The following ARSG variants were observed in gnomAD, a reference collection of about 807,000 sequenced individuals.
The protein encoded by ARSG is arylsulfatase G.
In ARSG, 37 loss-of-function variants were observed where a neutral mutation model predicts 50.5. The ratio of observed to expected loss-of-function variants is 0.73; its 90% confidence interval spans 0.56 to 0.96. The LOEUF (loss-of-function observed/expected upper bound fraction) is 0.96, where lower values mean the gene tolerates loss of function less well. Among genes scored for constraint, ARSG ranks in the 50% least tolerant of loss-of-function variants. The pLI, the probability that ARSG is intolerant of heterozygous loss-of-function variation, is 0.00. For missense variants in ARSG, 629 were observed against 675.3 expected (o/e 0.93, Z 0.76); for synonymous variants, 225 against 254.6 (o/e 0.88, Z 1.11).
At position 68,368,760 on chromosome 17, in the gene ARSG, C is replaced by A; in HGVS notation, c.901+16C>A. 6.2e-7 allele frequency: 1 copy of A among 1,609,676 alleles called. No homozygotes were observed. On this transcript the variant is annotated intron_variant, in intron 7 of 11. Transcript: ENST00000621439. ...TGGTTTACAGGTAAAGTAGTAAAAG[C>A]CAGCCAGCCTAACTGCCATTTAATA...
chr17:68,365,745 T>C (rs953218437), intron 6 of ARSG, among the ~76,000 whole-genome samples: 1 of 152,162 alleles, frequency 6.6e-6, no homozygotes, highest in African/African-American at 2.4e-5. Context: ...CATGGCTGAT[T>C]TCCAGCTATG....
intron 11 of ARSG, among the ~76,000 whole-genome samples, chr17:68,417,732 A>ATTT (rs1228418754): frequency 9.5e-5 from 6 of 63,188 alleles, no homozygotes; most frequent in Admixed American, 2.3e-4. Context: ...AGAGTTGCTG[A>ATTT]ATTTTTTTTT....
intron 4 of ARSG, among the ~76,000 whole-genome samples, chr17:68,348,453 C>T (rs897939881): frequency 6.6e-6 from 1 of 152,154 alleles, no homozygotes; most frequent in Non-Finnish European, 1.5e-5. Flanking sequence ...CCTATTTGCT[C>T]TTTGGACCAG....
At chr17:68,416,462 CA>C (rs1452456336) in intron 11 of ARSG, among the ~76,000 whole-genome samples, 1 of 152,094 alleles carries the variant, frequency 6.6e-6, no homozygotes, top group Non-Finnish European at 1.5e-5. Flanking sequence ...GATGTTTTTG[CA>C]ATGAATTTCC....
At chr17:68,421,579 C>T (rs118172374), downstream of ARSG, 10,003 of 662,750 alleles carry the variant, frequency 0.015, 82 homozygotes, top group Non-Finnish European at 0.02. Flanking sequence ...CAATGTCTCC[C>T]GCGCCCATTG....
At chr17:68,422,472 C>T (rs1300073528), downstream of ARSG, 1 of 151,666 alleles carries the variant, frequency 6.6e-6, no homozygotes, top group African/African-American at 2.4e-5. Flanking sequence ...TGGCTCACAC[C>T]TGTAATCCCA....
intron 9 of ARSG, among the ~76,000 whole-genome samples, chr17:68,386,462 G>T (rs2080729023): frequency 6.6e-6 from 1 of 152,162 alleles, no homozygotes; most frequent in Non-Finnish European, 1.5e-5. Context: ...AGGGGAAAAG[G>T]GTAAACAGCT....
At chr17:68,275,362 A>G (rs1405627002) in intron 1 of ARSG, among the ~76,000 whole-genome samples, 2 of 152,174 alleles carry the variant, frequency 1.3e-5, no homozygotes, top group Admixed American at 6.5e-5. Flanking sequence ...TTTTTGGGTT[A>G]GTCTATATGT....
chr17:68,343,826 T>C, intron 3 of ARSG, 35 bp downstream of exon 3: 1 of 1,574,210 alleles, frequency 6.4e-7, no homozygotes, highest in Non-Finnish European at 8.7e-7. Flanking sequence ...TTGCATTTAC[T>C]GCAGTGGCAG....
In ARSG at chr17:68,271,516, A is replaced by C. The variant is rs1217256181; in HGVS notation, c.-552+12090A>C. The C allele has an allele frequency of 3.7e-6, 6 of 1,614,122 alleles. 1 individual carries two copies. The highest frequency in any genetic ancestry group is 3.3e-5 in the Admixed American group (2 of 60,016). On this transcript the variant is annotated intron_variant, in intron 1 of 11. Coordinates refer to the ARSG transcript ENST00000448504. The surrounding 1 kb of genome is among the most constrained non-coding windows in gnomAD (Gnocchi z 5.3). The stretch of plus-strand genomic sequence containing the variant: ...CTGCGCTTCTTTCCGATTTTCCTGG[A>C]TGACTATTTTCGGTGACGCTGGTCC...
At chr17:68,436,607 C>T in the ARSG span, 1 of 759,428 alleles carries the variant, frequency 1.3e-6, no homozygotes, top group Admixed American at 2.7e-5. Flanking sequence ...GCTTTGCAGA[C>T]AACTGCTTTC....
chr17:68,414,798 T>C (rs896480510), intron 11 of ARSG, among the ~76,000 whole-genome samples: 1 of 152,192 alleles, frequency 6.6e-6, no homozygotes. Flanking sequence ...CCATCTCTTC[T>C]AGGTTTTTTA....
At chr17:68,339,590 G>A (rs1203356373) in intron 2 of ARSG, among the ~76,000 whole-genome samples, 1 of 152,120 alleles carries the variant, frequency 6.6e-6, no homozygotes, top group Non-Finnish European at 1.5e-5. Context: ...CTGACTTTTT[G>A]AAGAGACTAG....
chr17:68,296,441 C>T (rs879967302), intron 1 of ARSG, among the ~76,000 whole-genome samples: 7 of 152,294 alleles, frequency 4.6e-5, no homozygotes, highest in Middle Eastern at 3.4e-3. Context: ...TCCATTTTAA[C>T]CCTTTAGGAG....
At chr17:68,323,036 GCT>G (rs58760851) in intron 2 of ARSG, among the ~76,000 whole-genome samples, 135 of 146,632 alleles carry the variant, frequency 9.2e-4, no homozygotes, top group Non-Finnish European at 8.9e-4. Context: ...ATAAGAGAGG[GCT>G]CTCTCTCTCT....
In ARSG at chr17:68,278,236, C is replaced by T; in HGVS notation, c.-552+18810C>T. 6.8e-6 allele frequency: 11 copies of T among 1,614,198 alleles called. No homozygotes were observed. The highest frequency in any genetic ancestry group is 8.5e-6 in the Non-Finnish European group (10 of 1,180,030). On this transcript the variant is annotated intron_variant, in intron 1 of 11. Transcript: ENST00000448504. ...AAGACTTCAACGAAGAAAAATGAAA[C>T]AGCTACCGCCCAGCCCCATCCTCCA...
chr17:68,346,746 C>T, intron 3 of ARSG: 3 of 1,283,738 alleles, frequency 2.3e-6, no homozygotes, highest in South Asian at 1.2e-5. Context: ...GGTGCACCTG[C>T]ACCCTGGGCC....
chr17:68,297,587 A>G (rs572718037), intron 1 of ARSG, among the ~76,000 whole-genome samples: 1 of 152,196 alleles, frequency 6.6e-6, no homozygotes, highest in Non-Finnish European at 1.5e-5. Context: ...GGATTTTGCC[A>G]TCTATACTCA....
chr17:68,408,638 G>C (rs904404567), intron 11 of ARSG, among the ~76,000 whole-genome samples: 26 of 152,128 alleles, frequency 1.7e-4, no homozygotes, highest in African/African-American at 4.6e-4. Context: ...GGGTATATAC[G>C]CAGTAATGGG....
Sources: allele counts gnomAD v4.1 joint callset (sites outside exome capture counted in the v4.1 genomes callset), GRCh38; gene constraint gnomAD v4.1.1; non-coding constraint Gnocchi (gnomAD v3.1); transcripts MANE v1.5; gene names NCBI Gene and HGNC (gene_info 2026-07-23, HGNC 2026-07-21).